Variants in NCBP1 observed in about 807,000 individuals in gnomAD.
The protein encoded by NCBP1 is nuclear cap binding protein subunit 1, also known as nuclear cap-binding protein subunit 1.
In NCBP1, 16 loss-of-function variants were observed where a neutral mutation model predicts 111.7. The observed-to-expected ratio is 0.14, with a 90% CI of 0.10 to 0.22. The LOEUF (loss-of-function observed/expected upper bound fraction) is 0.22, where lower values mean the gene tolerates loss of function less well. Among genes scored for constraint, NCBP1 ranks in the 10% least tolerant of loss-of-function variants. NCBP1 has a pLI of 1.00. For missense variants in NCBP1, 607 were observed against 957.5 expected (o/e 0.63, Z 4.83); for synonymous variants, 304 against 314.3 (o/e 0.97, Z 0.35).
chr9:97,669,758 T>A (rs1230710459), intron 22 of NCBP1, 52 bp downstream of exon 22: 1 of 1,300,986 alleles, frequency 7.7e-7, no homozygotes, highest in Non-Finnish European at 1.1e-6. Flanking sequence ...CCACAAAGAT[T>A]TTTCATTAAA....
intron 20 of NCBP1, among the ~76,000 whole-genome samples, chr9:97,668,175 G>A (rs1279254505): frequency 6.6e-6 from 1 of 152,182 alleles, no homozygotes; most frequent in Non-Finnish European, 1.5e-5. Context: ...TTAGAGCCAC[G>A]TTCTGGCTCT....
chr9:97,672,663 C>G lies in NCBP1; in HGVS notation c.*1464C>G, dbSNP rs1039301580. On this transcript the variant is annotated 3_prime_UTR_variant, in exon 23 of 23. Coordinates refer to ENST00000375147, the MANE Select transcript of NCBP1 (RefSeq NM_002486.5). ...TTTGAACTGTGTGAGTCTCCTTACA[C>G]ACAGGTTTTCTTCCACCCCTGAGAT... The G allele has an allele frequency of 6.3e-6, 1 of 159,744 alleles. No homozygotes were observed. The highest frequency in any genetic ancestry group is 1.3e-5 in the Non-Finnish European group (1 of 74,088). 9.9% of individuals were successfully genotyped at this position (159,744 alleles called of 1,614,324 possible).
At position 97,645,161 on chromosome 9, in the gene NCBP1, C is replaced by T. The variant is rs1214639818; in HGVS notation, c.426C>T (p.Ala142=). The T allele has an allele frequency of 1.2e-6, 2 of 1,613,476 alleles. No homozygotes were observed. The highest frequency in any genetic ancestry group is 1.7e-4 in the Middle Eastern group (1 of 6,056). ...TTGTGAATTGTCATGTGATTGCCGC[C>T]CCATCAATGGTTGCTATGTTTGAAA... is the stretch of plus-strand genomic sequence containing the variant. ...SDLVNCHVIA[A]PSMVAMFENF... Residue 142 remains alanine, a synonymous_variant, in exon 5 of 23, where the codon GCC becomes GCT. Transcript: ENST00000375147.
intron 22 of NCBP1, 107 bp from the exon 23 acceptor site, chr9:97,670,979 C>A: frequency 1.6e-6 from 1 of 614,284 alleles, no homozygotes; most frequent in Non-Finnish European, 2.8e-6. Context: ...TTTTCCCCTT[C>A]CTCTTTTCAT....
chr9:97,649,502 TCTG>T (rs1827440131), intron 8 of NCBP1, among the ~76,000 whole-genome samples: 1 of 152,204 alleles, frequency 6.6e-6, no homozygotes, highest in Admixed American at 6.5e-5. Context: ...TTGTCTCTTT[TCTG>T]TTCTATGGTA....
At chr9:97,663,759 T>G (rs1827908483) in intron 18 of NCBP1, among the ~76,000 whole-genome samples, 1 of 151,884 alleles carries the variant, frequency 6.6e-6, no homozygotes. Context: ...TGTGCTAGAT[T>G]ACAGGTGTGA....
At position 97,643,354 on chromosome 9, in the gene NCBP1, G is replaced by T; in HGVS notation, c.375G>T (p.Val125=). The T allele has an allele frequency of 1.3e-6, 2 of 1,592,964 alleles. No individual in the cohort carries two copies. The highest frequency in any genetic ancestry group is 1.4e-5 in the African/African-American group (1 of 73,544). ...SLKANNYNEA[V]YLVRFLSDLV... ...AAGCAAACAATTATAATGAAGCCGT[G>T]TATTTGGTAAGTTAGTTTGTTTGTT... is the stretch of plus-strand genomic sequence containing the variant. The change falls in exon 4 of 23, where the codon GTG becomes GTT. Residue 125 remains valine, a synonymous_variant. Transcript: ENST00000375147.
At chr9:97,655,642 C>A (rs1827630612) in intron 12 of NCBP1, 60 bp from the exon 13 acceptor site, 1 of 1,396,988 alleles carries the variant, frequency 7.2e-7, no homozygotes, top group Non-Finnish European at 9.9e-7. Context: ...ATATAAGTTT[C>A]TGTTCTAAAT....
chr9:97,662,677 A>C (rs1407232528), intron 17 of NCBP1, among the ~76,000 whole-genome samples: 1 of 152,180 alleles, frequency 6.6e-6, no homozygotes, highest in Non-Finnish European at 1.5e-5. Context: ...TGAATATTTC[A>C]CCATGTTTGA....
chr9:97,636,544 TTA>T (rs1827036501), intron 1 of NCBP1, among the ~76,000 whole-genome samples: 2 of 145,066 alleles, frequency 1.4e-5, no homozygotes, highest in South Asian at 4.2e-4. Flanking sequence ...ATAAGTTTGT[TTA>T]TTATAAGTTT....
At chr9:97,643,020 A>T (rs948686760) in intron 3 of NCBP1, among the ~76,000 whole-genome samples, 184 bp from the exon 4 acceptor site, 62 of 152,136 alleles carry the variant, frequency 4.1e-4, no homozygotes, top group African/African-American at 1.4e-3. Context: ...AATTAAAATG[A>T]AAAATTACGG....
At chr9:97,657,303 A>G (rs1827689172) in intron 14 of NCBP1, among the ~76,000 whole-genome samples, 1 of 152,148 alleles carries the variant, frequency 6.6e-6, no homozygotes, top group African/African-American at 2.4e-5. Flanking sequence ...TATAGTGTTG[A>G]GTTGTCATTC....
intron 11 of NCBP1, 90 bp downstream of exon 11, chr9:97,653,998 G>C (rs1176928062): frequency 8.6e-7 from 1 of 1,157,922 alleles, no homozygotes; most frequent in African/African-American, 1.6e-5. Context: ...AAATTTTGTA[G>C]GTAAAAAATG....
intron 1 of NCBP1, among the ~76,000 whole-genome samples, chr9:97,636,659 T>TAA (rs1329649722): frequency 7.2e-6 from 1 of 138,082 alleles, no homozygotes; most frequent in Admixed American, 7.1e-5. Flanking sequence ...TATATATATA[T>TAA]ATATATATAT....
At chr9:97,640,350 C>T (rs1445662800) in intron 1 of NCBP1, among the ~76,000 whole-genome samples, 1 of 152,108 alleles carries the variant, frequency 6.6e-6, no homozygotes, top group Non-Finnish European at 1.5e-5. Flanking sequence ...TTGTCATTTA[C>T]ATAATACATT....
At chr9:97,647,619 A>C in intron 7 of NCBP1, 58 bp downstream of exon 7, 2 of 1,392,058 alleles carry the variant, frequency 1.4e-6, no homozygotes, top group South Asian at 1.2e-5. Context: ...ATAGATTCTT[A>C]TCTCTGTAAG....
At chr9:97,653,186 C>A (rs906833696) in intron 10 of NCBP1, among the ~76,000 whole-genome samples, 2 of 148,792 alleles carry the variant, frequency 1.3e-5, no homozygotes, top group Non-Finnish European at 3.0e-5. Context: ...AGTGACACGA[C>A]CTCAACTCAG....
chr9:97,663,614 A>T (rs752713670), intron 18 of NCBP1, among the ~76,000 whole-genome samples: 40 of 151,802 alleles, frequency 2.6e-4, no homozygotes, highest in East Asian at 4.0e-4. Flanking sequence ...CCTCCCGAGT[A>T]GCTGGGATTA....
intron 3 of NCBP1, 79 bp from the exon 4 acceptor site, chr9:97,643,125 A>G (rs779718408): frequency 8.4e-5 from 116 of 1,386,854 alleles, no homozygotes; most frequent in Non-Finnish European, 1.1e-4. Flanking sequence ...TAATGGAATG[A>G]TAAAAAGATT....
Sources: gnomAD v4.1 joint callset for allele counts (sites outside exome capture counted in the v4.1 genomes callset) on GRCh38, gnomAD v4.1.1 for gene constraint, MANE v1.5 for transcripts, NCBI Gene and HGNC (gene_info 2026-07-23, HGNC 2026-07-21) for gene names.